COL6A6: variants seen among roughly 807,000 people sequenced by gnomAD.
COL6A6 encodes collagen type VI alpha 6 chain.
Under a neutral mutation model 208.6 loss-of-function variants are expected in COL6A6, and 183 were observed. The ratio of observed to expected loss-of-function variants is 0.88; its 90% confidence interval spans 0.78 to 0.99. The LOEUF (loss-of-function observed/expected upper bound fraction) is 0.99, where lower values mean the gene tolerates loss of function less well. Among genes scored for constraint, COL6A6 ranks in the 50% least tolerant of loss-of-function variants. COL6A6 has a pLI of 0.00. For missense variants in COL6A6, 2,816 were observed against 2,815.2 expected (o/e 1.00, Z -0.01); for synonymous variants, 973 against 1,011.8 (o/e 0.96, Z 0.73).
At chr3:130,664,032 T>C (rs2066006222) in intron 35 of COL6A6, among the ~76,000 whole-genome samples, 1 of 152,246 alleles carries the variant, frequency 6.6e-6, no homozygotes. Context: ...ACTGTTCTGA[T>C]GCTGGGTATC....
chr3:130,551,024 G>T (rs1049933864), intron 1 of COL6A6, among the ~76,000 whole-genome samples: 1 of 152,154 alleles, frequency 6.6e-6, no homozygotes, highest in African/African-American at 2.4e-5. Flanking sequence ...TGATCATCAT[G>T]GTGGATTAGC....
At chr3:130,586,825 T>C (rs2063553316) in intron 11 of COL6A6, among the ~76,000 whole-genome samples, 165 bp downstream of exon 11, 1 of 152,092 alleles carries the variant, frequency 6.6e-6, no homozygotes, top group African/African-American at 2.4e-5. Flanking sequence ...TTGGAAGAAA[T>C]GTAATACAGT....
intron 36 of COL6A6, among the ~76,000 whole-genome samples, chr3:130,673,073 C>T (rs1053615685): frequency 7.9e-5 from 11 of 139,328 alleles, no homozygotes; most frequent in African/African-American, 2.7e-4. Context: ...CAGCTACTCA[C>T]GAGGCTGAGG....
intron 23 of COL6A6, among the ~76,000 whole-genome samples, chr3:130,612,233 G>T (rs2064381482): frequency 6.6e-6 from 1 of 152,148 alleles, no homozygotes; most frequent in African/African-American, 2.4e-5. Flanking sequence ...GAGTAGTGCT[G>T]CAATGAATGT....
chr3:130,600,756 A>G (rs1199354148), intron 20 of COL6A6, among the ~76,000 whole-genome samples: 2 of 152,186 alleles, frequency 1.3e-5, no homozygotes, highest in East Asian at 3.8e-4. Flanking sequence ...CAAATAGCTA[A>G]TGCATGTGGG....
At chr3:130,564,863 A>T in intron 3 of COL6A6, 131 bp from the exon 4 acceptor site, 1 of 1,045,830 alleles carries the variant, frequency 9.6e-7, no homozygotes, top group Non-Finnish European at 1.4e-6. Context: ...CCTCAACTTC[A>T]TAATTATTTG....
intron 1 of COL6A6, among the ~76,000 whole-genome samples, chr3:130,536,851 G>A (rs1577632949): frequency 6.6e-6 from 1 of 152,306 alleles, no homozygotes; most frequent in Middle Eastern, 3.4e-3. Flanking sequence ...ATATGTAATT[G>A]GCCAGAGTGG....
At chr3:130,640,297 C>T (rs887743644) in intron 28 of COL6A6, among the ~76,000 whole-genome samples, 1 of 152,268 alleles carries the variant, frequency 6.6e-6, no homozygotes, top group South Asian at 2.1e-4. Context: ...AACACTTACA[C>T]ATTTGCTTTC....
chr3:130,597,785 G>T (rs2063892678), intron 18 of COL6A6, among the ~76,000 whole-genome samples: 1 of 152,152 alleles, frequency 6.6e-6, no homozygotes, highest in Non-Finnish European at 1.5e-5. Flanking sequence ...AGGATTTTTT[G>T]GAAACTGGAA....
intron 1 of COL6A6, among the ~76,000 whole-genome samples, chr3:130,529,285 T>C (rs906042305): frequency 9.7e-6 from 1 of 102,904 alleles, no homozygotes. Context: ...CAGCAGGAAA[T>C]GTAAAAAAAA....
chr3:130,532,496 C>T (rs7645106), intron 1 of COL6A6, among the ~76,000 whole-genome samples: 1,627 of 152,220 alleles, frequency 0.011, 13 homozygotes, highest in Middle Eastern at 0.034. Flanking sequence ...ATTTTGTGTT[C>T]CCAGGGGCTG....
At position 130,589,126 on chromosome 3, in the gene COL6A6, T is replaced by G; in HGVS notation, c.4162T>G (p.Cys1388Gly). Residue 1388 changes from cysteine (C) to glycine (G), a missense_variant, in exon 12 of 37, where the codon TGC becomes GGC. Coordinates refer to ENST00000358511, the MANE Select transcript of COL6A6 (RefSeq NM_001102608.3). ...VAERTCCCLF[C>G]KCIGGDGTMG... The stretch of plus-strand genomic sequence containing the variant: ...TGAAAGGACATGCTGCTGTTTGTTC[T>G]GCAAGTGCATTGGAGGAGATGGCAC... The G allele has an allele frequency of 1.2e-6, 2 of 1,613,894 alleles. No homozygotes were observed. Among genetic ancestry groups the G allele is most frequent in the Non-Finnish European group, 1.7e-6 (2 of 1,179,818 alleles).
rs376855447 is a variant in COL6A6 at position 130,567,090 on chromosome 3, A to G, written c.1671A>G (p.Ala557=). Residue 557 remains alanine (A), a synonymous_variant, in exon 5 of 37, where the codon GCA becomes GCG. Transcript: ENST00000358511. ...CCAAGGATAGCATCTTGGAGCCTGC[A>G]AACAGACTGAGAGAAGAGCACATCC... ...GMSKDSILEP[A]NRLREEHIRV... 4.7e-5 allele frequency: 76 copies of G among 1,613,918 alleles called. No homozygotes were observed. The highest frequency in any genetic ancestry group is 1.0e-4 in the Admixed American group (6 of 60,002).
chr3:130,578,236 CATT>C (rs2063339963), intron 8 of COL6A6, among the ~76,000 whole-genome samples: 1 of 151,998 alleles, frequency 6.6e-6, no homozygotes, highest in Non-Finnish European at 1.5e-5. Flanking sequence ...AGATTAGTCT[CATT>C]AGGGTAAGAG....
At chr3:130,578,745 C>T (rs971496834) in intron 8 of COL6A6, among the ~76,000 whole-genome samples, 1 of 152,210 alleles carries the variant, frequency 6.6e-6, no homozygotes, top group Non-Finnish European at 1.5e-5. Context: ...ACAGGTCCCA[C>T]AGTGCACTAC....
At chr3:130,527,427 A>T (rs116803609) in intron 1 of COL6A6, among the ~76,000 whole-genome samples, 29 of 152,328 alleles carry the variant, frequency 1.9e-4, no homozygotes, top group Non-Finnish European at 3.2e-4. Flanking sequence ...TAATCTTTAT[A>T]TAAGAAGGTA....
chr3:130,622,658 C>T (rs1418197222), intron 24 of COL6A6, among the ~76,000 whole-genome samples: 1 of 151,514 alleles, frequency 6.6e-6, no homozygotes, highest in Non-Finnish European at 1.5e-5. Context: ...GAGATCGAGA[C>T]CATCCTGGCT....
chr3:130,594,034 T>TA lies in COL6A6; in HGVS notation c.4471-241dup, dbSNP rs201946964. 3.8e-3 allele frequency among the ~76,000 whole-genome samples: 581 copies of TA among 152,310 alleles called. 5 individuals are homozygous for TA. The highest frequency in any genetic ancestry group is 0.013 in the African/African-American group (553 of 41,562). On this transcript the variant is annotated intron_variant, in intron 17 of 36. Transcript: ENST00000358511. ...GAATACCTGGTTCATAGAATATTTG[T>TA]AAAAAACAAGATGACAAGTGTGTCT... is the stretch of plus-strand genomic sequence containing the variant.
At chr3:130,548,103 G>C (rs1388461071) in intron 1 of COL6A6, among the ~76,000 whole-genome samples, 2 of 152,226 alleles carry the variant, frequency 1.3e-5, no homozygotes, top group African/African-American at 4.8e-5. Context: ...AATCCTAGTT[G>C]TTTTAAATCC....
Sources: allele counts gnomAD v4.1 joint callset (sites outside exome capture counted in the v4.1 genomes callset), GRCh38; gene constraint gnomAD v4.1.1; transcripts MANE v1.5; gene names NCBI Gene and HGNC (gene_info 2026-07-23, HGNC 2026-07-21).